SCRG1: variants seen among roughly 807,000 people sequenced by gnomAD.
SCRG1 encodes the protein stimulator of chondrogenesis 1, also known as scrapie-responsive protein 1.
A neutral mutation model predicts 7.7 loss-of-function variants in SCRG1; 3 were observed. That is an observed-to-expected ratio of 0.39 (90% CI 0.18 to 1.01). The LOEUF is 1.01. Ranked by LOEUF, SCRG1 falls within the 50% of genes least tolerant of loss-of-function variation. The pLI is 0.36. For synonymous variants in SCRG1, 46 were observed against 41.2 expected (o/e 1.12, Z -0.44); for missense variants, 110 against 117.2 (o/e 0.94, Z 0.28).
At position 173,388,329 on chromosome 4, in the gene SCRG1, A is replaced by G; in HGVS notation, c.*12T>C. On this transcript the variant is annotated 3_prime_UTR_variant, in exon 3 of 3. Coordinates refer to ENST00000296506, the MANE Select transcript of SCRG1 (RefSeq NM_007281.4). ...AATCAGGAATGGTGTTCTCCAGAAT[A>G]CATGAAGATTCTCATTGATTGTTGC... 1 of 1,603,550 alleles carries G rather than the reference A, an allele frequency of 6.2e-7. No homozygotes were observed. Among genetic ancestry groups the G allele is most frequent in the East Asian group, 2.2e-5 (1 of 44,774 alleles).
chr4:173,445,999 G>A, the SCRG1 span, among the ~76,000 whole-genome samples: 2 of 152,034 alleles, frequency 1.3e-5, no homozygotes, highest in Non-Finnish European at 2.9e-5. Flanking sequence ...GGGTTCACAC[G>A]ATAAGTTCTT....
the SCRG1 span, among the ~76,000 whole-genome samples, chr4:173,443,930 C>T: frequency 1.4e-5 from 2 of 144,994 alleles, no homozygotes; most frequent in African/African-American, 2.6e-5. Flanking sequence ...ATTTCAAGGG[C>T]AAAGAGCTTG....
the SCRG1 span, among the ~76,000 whole-genome samples, chr4:173,455,737 G>A: frequency 6.6e-5 from 10 of 152,228 alleles, no homozygotes; most frequent in African/African-American, 2.4e-4. Flanking sequence ...CGCGCCCAAA[G>A]CATTGTCTTT....
chr4:173,478,777 C>G, the SCRG1 span, among the ~76,000 whole-genome samples: 1 of 151,844 alleles, frequency 6.6e-6, no homozygotes, highest in East Asian at 1.9e-4. Context: ...TGGAAGATGA[C>G]GAAAGGAAAA....
chr4:173,480,746 T>C, the SCRG1 span, among the ~76,000 whole-genome samples: 6 of 152,198 alleles, frequency 3.9e-5, no homozygotes, highest in African/African-American at 1.4e-4. Flanking sequence ...TATTTGGTTA[T>C]GTTAAAAAGG....
upstream of SCRG1, among the ~76,000 whole-genome samples, chr4:173,407,483 C>T (rs1201082530): frequency 1.4e-5 from 2 of 148,034 alleles, no homozygotes; most frequent in African/African-American, 2.5e-5. Flanking sequence ...TGCAGTGAGC[C>T]GAGATAGCGC....
At chr4:173,443,398 T>C in the SCRG1 span, among the ~76,000 whole-genome samples, 1 of 152,154 alleles carries the variant, frequency 6.6e-6, no homozygotes, top group African/African-American at 2.4e-5. Context: ...TGTAATACTG[T>C]AATAGTGTCC....
the SCRG1 span, among the ~76,000 whole-genome samples, chr4:173,460,185 G>C: frequency 1.3e-5 from 2 of 152,222 alleles, no homozygotes; most frequent in African/African-American, 2.4e-5. Context: ...AAGAGGCACT[G>C]AAGAGATACA....
the SCRG1 span, among the ~76,000 whole-genome samples, chr4:173,434,711 A>G: frequency 1.3e-5 from 2 of 152,122 alleles, no homozygotes; most frequent in Non-Finnish European, 2.9e-5. Context: ...GACGCCTGTA[A>G]TTCCAGCTAC....
chr4:173,507,402 G>A, the SCRG1 span, among the ~76,000 whole-genome samples: 1 of 152,250 alleles, frequency 6.6e-6, no homozygotes, highest in Non-Finnish European at 1.5e-5. The surrounding 1 kb of genome is among the most constrained non-coding windows in gnomAD (Gnocchi z 4.4). Flanking sequence ...TAGAGACAGG[G>A]TTTCGCCATG....
At chr4:173,458,182 C>A in the SCRG1 span, among the ~76,000 whole-genome samples, 3 of 152,216 alleles carry the variant, frequency 2.0e-5, no homozygotes, top group East Asian at 1.9e-4. Context: ...GCCATAGGGG[C>A]CTGAGGTAAA....
At chr4:173,436,776 C>T in the SCRG1 span, among the ~76,000 whole-genome samples, 1 of 152,294 alleles carries the variant, frequency 6.6e-6, no homozygotes, top group South Asian at 2.1e-4. Context: ...AAGACACCTT[C>T]ATGCCTGGCT....
the SCRG1 span, among the ~76,000 whole-genome samples, chr4:173,439,031 G>T: frequency 0.99 from 150,450 of 152,032 alleles, 74,454 homozygotes; most frequent in East Asian, 1. Flanking sequence ...CACTTCTGGG[G>T]CTGTCCTCTT....
chr4:173,435,412 G>A, the SCRG1 span, among the ~76,000 whole-genome samples: 5 of 152,154 alleles, frequency 3.3e-5, no homozygotes, highest in Admixed American at 3.3e-4. Flanking sequence ...GTTACCCGTC[G>A]GACATCCCTG....
the SCRG1 span, among the ~76,000 whole-genome samples, chr4:173,445,627 A>C: frequency 6.6e-6 from 1 of 150,512 alleles, no homozygotes; most frequent in Non-Finnish European, 1.5e-5. Flanking sequence ...CACTGAATCC[A>C]TTAGGATTTT....
chr4:173,463,676 T>G, the SCRG1 span, among the ~76,000 whole-genome samples: 1 of 152,190 alleles, frequency 6.6e-6, no homozygotes, highest in African/African-American at 2.4e-5. Context: ...ATAAACTCTT[T>G]AACCTATCTT....
At chr4:173,417,626 C>T in the SCRG1 span, among the ~76,000 whole-genome samples, 1 of 142,104 alleles carries the variant, frequency 7.0e-6, no homozygotes, top group African/African-American at 2.5e-5. Context: ...TTCCTCCCTT[C>T]CTTCATTCCT....
At chr4:173,402,075 C>T (rs1182922206), upstream of SCRG1, among the ~76,000 whole-genome samples, 1 of 152,108 alleles carries the variant, frequency 6.6e-6, no homozygotes, top group East Asian at 1.9e-4. Context: ...TCTTATCGAA[C>T]CCGCTTTATG....
chr4:173,484,860 T>G, the SCRG1 span, among the ~76,000 whole-genome samples: 5 of 81,220 alleles, frequency 6.2e-5, no homozygotes, highest in Non-Finnish European at 8.4e-5. Flanking sequence ...TAATATATAT[T>G]ATGTATATTT....
Sources: allele counts gnomAD v4.1 joint callset (sites outside exome capture counted in the v4.1 genomes callset), GRCh38; gene constraint gnomAD v4.1.1; non-coding constraint Gnocchi (gnomAD v3.1); transcripts MANE v1.5; gene names NCBI Gene and HGNC (gene_info 2026-07-23, HGNC 2026-07-21).